DSCAML1: variants seen among roughly 807,000 people sequenced by gnomAD.
The protein encoded by DSCAML1 is cell adhesion molecule DSCAML1.
Under a neutral mutation model 200.5 loss-of-function variants are expected in DSCAML1, and 38 were observed. The ratio of observed to expected loss-of-function variants is 0.19; its 90% CI spans 0.15 to 0.25. The LOEUF is 0.25. DSCAML1 is among the 10% of genes least tolerant of loss of function. The pLI is 1.00. For synonymous variants in DSCAML1, 1,215 were observed against 1,165.0 expected (o/e 1.04, Z -0.87); for missense variants, 2,223 against 2,858.8 (o/e 0.78, Z 5.07).
rs973493533 is a variant in DSCAML1, at chr11:117,659,289, G to A, written c.511+117502C>T. 3.9e-5 allele frequency among the ~76,000 whole-genome samples: 6 copies of A among 152,324 alleles called. No homozygotes were observed. The East Asian group carries it at 1.2e-3, about 29-fold the overall frequency. On this transcript the variant is annotated intron_variant, in intron 3 of 32. Coordinates refer to ENST00000651296, the MANE Select transcript of DSCAML1 (RefSeq NM_020693.4). ...CGCTTAGAGCTTGGATATTATTACAGGGGTTTTAGTTGATGGAATATTTTC... is the reference window on the plus strand; with the variant it reads ...CGCTTAGAGCTTGGATATTATTACAAGGGTTTTAGTTGATGGAATATTTTC...
At chr11:117,800,017 C>T (rs1415260412), upstream of DSCAML1, among the ~76,000 whole-genome samples, 3 of 152,194 alleles carry the variant, frequency 2.0e-5, no homozygotes, top group African/African-American at 2.4e-5. Flanking sequence ...TGCAGAAACA[C>T]GGAAGGTGCA....
At chr11:117,738,357 TG>T (rs990880940) in intron 3 of DSCAML1, among the ~76,000 whole-genome samples, 17 of 151,978 alleles carry the variant, frequency 1.1e-4, no homozygotes, top group African/African-American at 4.1e-4. Flanking sequence ...AAGAATTTTG[TG>T]GGTCTAGCAG....
intron 1 of DSCAML1, among the ~76,000 whole-genome samples, chr11:117,804,386 A>T (rs1253047275): frequency 6.6e-6 from 1 of 152,174 alleles, no homozygotes. Context: ...CCCCACACAG[A>T]AGTTTATCTA....
chr11:117,627,927 C>T (rs775512365), intron 3 of DSCAML1, among the ~76,000 whole-genome samples: 5 of 152,080 alleles, frequency 3.3e-5, no homozygotes, highest in Non-Finnish European at 7.4e-5. Flanking sequence ...TCTTCTTCCC[C>T]ATGGGGACCA....
At chr11:117,636,993 T>C (rs2052300833) in intron 3 of DSCAML1, among the ~76,000 whole-genome samples, 1 of 152,166 alleles carries the variant, frequency 6.6e-6, no homozygotes, top group Admixed American at 6.5e-5. Context: ...ATGCTGGTTT[T>C]TCCATTAGCC....
chr11:117,520,575 G>A (rs1239332500), intron 6 of DSCAML1, among the ~76,000 whole-genome samples: 2 of 151,824 alleles, frequency 1.3e-5, no homozygotes, highest in South Asian at 2.1e-4. Flanking sequence ...TGTGAACTCG[G>A]ACAAGTGACC....
At chr11:117,540,384 T>C (rs75152264) in intron 3 of DSCAML1, among the ~76,000 whole-genome samples, 2,746 of 152,124 alleles carry the variant, frequency 0.018, 76 homozygotes, top group African/African-American at 0.061. Context: ...AATGAAACAG[T>C]TTCACCCGTA....
At chr11:117,758,757 C>T (rs2054744457) in intron 3 of DSCAML1, among the ~76,000 whole-genome samples, 1 of 152,126 alleles carries the variant, frequency 6.6e-6, no homozygotes, top group Non-Finnish European at 1.5e-5. Flanking sequence ...GCCTTACAGA[C>T]ACGGACATCT....
intron 1 of DSCAML1, among the ~76,000 whole-genome samples, chr11:117,794,707 C>A (rs976782085): frequency 3.3e-5 from 5 of 151,968 alleles, no homozygotes; most frequent in African/African-American, 1.2e-4. Flanking sequence ...CAAACCCCAT[C>A]TTTCTTGCTG....
intron 11 of DSCAML1, among the ~76,000 whole-genome samples, chr11:117,484,705 A>T (rs1030215728): frequency 3.9e-5 from 6 of 152,212 alleles, no homozygotes; most frequent in African/African-American, 1.2e-4. Context: ...TACACCAACA[A>T]GTCAGGACTT....
In DSCAML1 at chr11:117,446,010, A is replaced by G. The variant is rs141815163; in HGVS notation, c.3709-1971T>C. 3.9e-5 allele frequency among the ~76,000 whole-genome samples: 6 copies of G among 152,364 alleles called. No homozygotes were observed. In the East Asian group the frequency reaches 1.2e-3, roughly 29 times the overall value. On this transcript the variant is annotated intron_variant, in intron 20 of 32. Transcript: ENST00000651296. ...TAATCATAAAAATCAAGGCAAAATC[A>G]TAAATGGAAATGATTGATAAATTCA...
At chr11:117,767,916 G>A (rs904144859) in intron 3 of DSCAML1, among the ~76,000 whole-genome samples, 7 of 152,074 alleles carry the variant, frequency 4.6e-5, no homozygotes, top group Non-Finnish European at 7.4e-5. Flanking sequence ...GGTGCCTGCC[G>A]CGGGACCCTA....
chr11:117,509,521 C>A (rs927483494), intron 8 of DSCAML1, among the ~76,000 whole-genome samples: 1 of 152,240 alleles, frequency 6.6e-6, no homozygotes, highest in East Asian at 1.9e-4. Flanking sequence ...TGGGCAGGTG[C>A]GATGCATGGC....
chr11:117,611,228 C>T (rs2051685323), intron 3 of DSCAML1: 1 of 152,208 alleles, frequency 6.6e-6, no homozygotes, highest in Non-Finnish European at 1.5e-5. Flanking sequence ...TTCTTCTCCC[C>T]TTTCTGTCTC....
intron 3 of DSCAML1, among the ~76,000 whole-genome samples, chr11:117,656,509 A>T (rs919089754): frequency 1.4e-5 from 2 of 143,610 alleles, no homozygotes; most frequent in Non-Finnish European, 3.1e-5. Context: ...CTATCTATCT[A>T]TCTATCTATC....
In DSCAML1 at chr11:117,521,714, C is replaced by T. The variant is rs150837128; in HGVS notation, c.938-309G>A. 3.9e-5 allele frequency among the ~76,000 whole-genome samples: 6 copies of T among 152,182 alleles called. No individual in the cohort carries two copies. In the East Asian group the frequency reaches 5.8e-4, roughly 15 times the overall value. On this transcript the variant is annotated intron_variant, in intron 5 of 32. Coordinates refer to ENST00000651296, the MANE Select transcript of DSCAML1 (RefSeq NM_020693.4). Reference sequence around the variant, plus strand: ...GCTCCCTCTGGCTCACTGAGGAGGGCGGAGACTTGACTGGCTCTTTATTCT... The same window carrying T: ...GCTCCCTCTGGCTCACTGAGGAGGGTGGAGACTTGACTGGCTCTTTATTCT...
At chr11:117,714,397 G>T (rs1466139344) in intron 3 of DSCAML1, among the ~76,000 whole-genome samples, 1 of 152,178 alleles carries the variant, frequency 6.6e-6, no homozygotes, top group East Asian at 1.9e-4. Context: ...GCATCTGCAG[G>T]TGGTGCCTGC....
At chr11:117,481,853 GGGAGGGGCTCCCA>G in intron 12 of DSCAML1, 97 bp downstream of exon 12, 1 of 1,275,144 alleles carries the variant, frequency 7.8e-7, no homozygotes, top group Non-Finnish European at 1.1e-6. Context: ...TTGGGGTGTG[GGGAGGGGCTCCCA>G]GGCTCCCCAT....
chr11:117,702,777 C>T (rs2053692829), intron 3 of DSCAML1, among the ~76,000 whole-genome samples: 1 of 152,200 alleles, frequency 6.6e-6, no homozygotes, highest in African/African-American at 2.4e-5. Flanking sequence ...TCATTTCCAA[C>T]TGTTGAGACA....
Sources: allele counts gnomAD v4.1 joint callset (sites outside exome capture counted in the v4.1 genomes callset), GRCh38; gene constraint gnomAD v4.1.1; transcripts MANE v1.5; gene names NCBI Gene and HGNC (gene_info 2026-07-23, HGNC 2026-07-21).